ERAP1: variants seen among roughly 807,000 people sequenced by gnomAD.
The protein encoded by ERAP1 is endoplasmic reticulum aminopeptidase 1, also known as adipocyte-derived leucine aminopeptidase.
A neutral mutation model predicts 103.7 loss-of-function variants in ERAP1; 86 were observed. The observed-to-expected ratio is 0.83, with a 90% CI of 0.70 to 0.99. The LOEUF is 0.99. ERAP1 is among the 50% of genes least tolerant of loss of function. ERAP1 has a pLI of 0.00. For synonymous variants in ERAP1, 398 were observed against 402.4 expected, an observed-to-expected ratio of 0.99 and a Z score of 0.13; for missense variants, 1,009 against 1,128.4, an observed-to-expected ratio of 0.89 and a Z score of 1.52.
chr5:96,829,085 A>C, the ERAP1 span, among the ~76,000 whole-genome samples: 2 of 152,258 alleles, frequency 1.3e-5, no homozygotes, highest in African/African-American at 4.8e-5. Flanking sequence ...TGACCTTGTG[A>C]TCCGCCCGCC....
chr5:96,901,738 C>G, the ERAP1 span: 1 of 1,548,564 alleles, frequency 6.5e-7, no homozygotes. Flanking sequence ...CTCGTTATTT[C>G]CTTAGCTTTC....
chr5:96,890,107 C>T, the ERAP1 span, among the ~76,000 whole-genome samples: 1 of 152,234 alleles, frequency 6.6e-6, no homozygotes, highest in Middle Eastern at 3.4e-3. Flanking sequence ...AGATGATACT[C>T]ATAGTCTATC....
Position 96,800,973 on chromosome 5 carries a change from G to A in ERAP1, c.552C>T (p.Pro184=), listed in dbSNP as rs201090317. The change falls in exon 3 of 19, where the codon CCC becomes CCT. Residue 184 remains proline, a synonymous_variant. Transcript: ENST00000443439. ...AGGGAAAGGCCATTCTAGCTGCAGTGGGTTCAAATTGTGTTGATGCTAGTA... is the reference window on the plus strand; with the variant it reads ...AGGGAAAGGCCATTCTAGCTGCAGTAGGTTCAAATTGTGTTGATGCTAGTA... ...LRILASTQFE[P]TAARMAFPCF... 6.1e-5 allele frequency: 98 copies of A among 1,613,988 alleles called. No homozygotes were observed. The highest frequency in any genetic ancestry group is 8.2e-5 in the Non-Finnish European group (97 of 1,180,024).
the ERAP1 span, chr5:96,895,323 T>TA: frequency 6.2e-7 from 1 of 1,612,476 alleles, no homozygotes; most frequent in African/African-American, 1.3e-5. Flanking sequence ...ACATGGAACT[T>TA]ATCGCTGTTA....
chr5:96,928,529 C>G, the ERAP1 span, among the ~76,000 whole-genome samples: 82 of 152,216 alleles, frequency 5.4e-4, no homozygotes, highest in South Asian at 0.017. Context: ...CTATTAGAAC[C>G]TAGGAGATAG....
chr5:96,895,485 T>A, the ERAP1 span: 1 of 697,654 alleles, frequency 1.4e-6, no homozygotes, highest in African/African-American at 1.8e-5. Context: ...TATGGCATTT[T>A]GTTTGATACA....
At chr5:96,883,407 G>A in the ERAP1 span, among the ~76,000 whole-genome samples, 1 of 152,122 alleles carries the variant, frequency 6.6e-6, no homozygotes, top group African/African-American at 2.4e-5. Flanking sequence ...GCCCTTTCAG[G>A]TTTAGAGACA....
chr5:96,913,168 TAA>T, the ERAP1 span: 5 of 628,572 alleles, frequency 8.0e-6, no homozygotes, highest in African/African-American at 7.6e-5. Flanking sequence ...TCTAAAAAAG[TAA>T]AAGTTTAATT....
the ERAP1 span, among the ~76,000 whole-genome samples, chr5:96,870,997 C>T: frequency 6.6e-6 from 1 of 152,190 alleles, no homozygotes; most frequent in Non-Finnish European, 1.5e-5. Flanking sequence ...ATTTTCTGCT[C>T]ATGTGCATAT....
chr5:96,914,836 G>T, the ERAP1 span, among the ~76,000 whole-genome samples: 2 of 152,244 alleles, frequency 1.3e-5, no homozygotes, highest in East Asian at 1.9e-4. Flanking sequence ...AAGTGTGCAA[G>T]AAGTGCAATA....
rs10062964 is a variant in ERAP1, at chr5:96,803,363, C to T, written c.524+40G>A. The T allele has an allele frequency of 0.19, 301,543 of 1,558,022 alleles. 31,912 individuals are homozygous for T. Among genetic ancestry groups the T allele is most frequent in the Non-Finnish European group, 0.22 (250,003 of 1,132,132 alleles). ...TCTGAAATAATGAATTTAGCGTGGGCAGCACTTGCAGTTTAAAAGAAAAAG... is the reference window on the plus strand; with the variant it reads ...TCTGAAATAATGAATTTAGCGTGGGTAGCACTTGCAGTTTAAAAGAAAAAG... On this transcript the variant is annotated intron_variant, in intron 2 of 18. Coordinates refer to ENST00000443439, the MANE Select transcript of ERAP1 (RefSeq NM_001040458.3).
the ERAP1 span, among the ~76,000 whole-genome samples, chr5:96,921,675 G>A: frequency 1.3e-5 from 2 of 152,148 alleles, no homozygotes; most frequent in African/African-American, 4.8e-5. Flanking sequence ...GACAGAGAAG[G>A]TCAGGAAACT....
chr5:96,823,529 C>A, the ERAP1 span, among the ~76,000 whole-genome samples: 1 of 152,146 alleles, frequency 6.6e-6, no homozygotes, highest in Non-Finnish European at 1.5e-5. Flanking sequence ...TTAAAATGGG[C>A]AAAAATCTTC....
the ERAP1 span, among the ~76,000 whole-genome samples, chr5:96,887,735 T>G: frequency 6.6e-6 from 1 of 152,220 alleles, no homozygotes; most frequent in Non-Finnish European, 1.5e-5. Context: ...CAAACATCAG[T>G]GAACACATTA....
At chr5:96,801,095 T>C (rs1777940148) in intron 2 of ERAP1, 95 bp from the exon 3 acceptor site, 5 of 1,370,188 alleles carry the variant, frequency 3.6e-6, no homozygotes, top group Non-Finnish European at 5.1e-6. Context: ...TACTATAAGA[T>C]TGATGGATTT....
At chr5:96,869,120 T>C in the ERAP1 span, among the ~76,000 whole-genome samples, 2 of 151,332 alleles carry the variant, frequency 1.3e-5, no homozygotes, top group African/African-American at 4.9e-5. Context: ...AACTTGTTGG[T>C]TGGCTACTAG....
chr5:96,836,448 C>A, the ERAP1 span, among the ~76,000 whole-genome samples: 1 of 152,116 alleles, frequency 6.6e-6, no homozygotes. Context: ...GTGATCCCCC[C>A]ACTTCAGCCT....
At chr5:96,762,148 A>T in exon 20 of ERAP1, 1 of 489,294 alleles carries the variant, frequency 2.0e-6, no homozygotes, top group Non-Finnish European at 3.7e-6. Context: ...ATATGTTATT[A>T]TGAGTCTATT....
At chr5:96,904,044 C>A in the ERAP1 span, among the ~76,000 whole-genome samples, 1 of 152,144 alleles carries the variant, frequency 6.6e-6, no homozygotes, top group Non-Finnish European at 1.5e-5. Flanking sequence ...GGTGTAATCT[C>A]TTAAGGAAAA....
Sources: allele counts gnomAD v4.1 joint callset (sites outside exome capture counted in the v4.1 genomes callset), GRCh38; gene constraint gnomAD v4.1.1; transcripts MANE v1.5; gene names NCBI Gene and HGNC (gene_info 2026-07-23, HGNC 2026-07-21).